The following CARM1 variants were observed in gnomAD, a reference collection of about 807,000 sequenced individuals.
The protein encoded by CARM1 is histone-arginine methyltransferase CARM1.
In CARM1, 14 loss-of-function variants were observed where a neutral mutation model predicts 72.7. The ratio of observed to expected loss-of-function variants is 0.19; its 90% CI spans 0.13 to 0.30. The LOEUF is 0.30. CARM1 is among the 10% of genes least tolerant of loss of function. The pLI, the probability that CARM1 is intolerant of heterozygous loss-of-function variation, is 1.00. For synonymous variants in CARM1, 333 were observed against 345.5 expected (o/e 0.96, Z 0.40); for missense variants, 432 against 833.7 (o/e 0.52, Z 5.93).
intron 2 of CARM1, among the ~76,000 whole-genome samples, chr19:10,907,258 T>A (rs1017808722): frequency 1.3e-5 from 2 of 151,324 alleles, no homozygotes; most frequent in Non-Finnish European, 2.9e-5. Context: ...GCTGGCCTCT[T>A]AAACTGGGCT....
At chr19:10,878,804 C>T (rs1006271502) in intron 1 of CARM1, among the ~76,000 whole-genome samples, 1 of 150,388 alleles carries the variant, frequency 6.6e-6, no homozygotes, top group African/African-American at 2.4e-5. Context: ...GTCCTCCCCC[C>T]GGCTTTTTTT....
chr19:10,876,926 T>G (rs2073868903), intron 1 of CARM1, among the ~76,000 whole-genome samples: 1 of 152,374 alleles, frequency 6.6e-6, no homozygotes, highest in African/African-American at 2.4e-5. Flanking sequence ...GGCCAGTGCT[T>G]TAGACTCTCC....
rs747237000 is a variant in CARM1, at chr19:10,920,003, C to G, written c.1196+37C>G. The G allele has an allele frequency of 1.3e-6, 2 of 1,533,852 alleles. No homozygotes were observed. The highest frequency in any genetic ancestry group is 1.7e-5 in the Admixed American group (1 of 59,444). On this transcript the variant is annotated intron_variant, in intron 10 of 15. Coordinates refer to ENST00000327064, the MANE Select transcript of CARM1 (RefSeq NM_199141.2). The surrounding 1 kb of genome is among the most constrained non-coding windows in gnomAD (Gnocchi z 5.3). ...AGAGCAGCCCATGCTGCCTCCTCCCCACTCCCAGGGCTTCCTGCAGCTGCA... is the reference window on the plus strand; with the variant it reads ...AGAGCAGCCCATGCTGCCTCCTCCCGACTCCCAGGGCTTCCTGCAGCTGCA...
chr19:10,904,846 C>G (rs567919891), intron 1 of CARM1, 105 bp from the exon 2 acceptor site: 1 of 1,482,160 alleles, frequency 6.7e-7, no homozygotes, highest in East Asian at 2.3e-5. Flanking sequence ...CTGGAAGAAT[C>G]TGGGGGCACC....
At chr19:10,902,386 C>T (rs936648751) in intron 1 of CARM1, among the ~76,000 whole-genome samples, 14 of 150,200 alleles carry the variant, frequency 9.3e-5, no homozygotes, top group African/African-American at 2.0e-4. Flanking sequence ...CTCCACCTCC[C>T]GGGTTCACAC....
intron 8 of CARM1, among the ~76,000 whole-genome samples, chr19:10,918,478 C>A (rs2074215408): frequency 6.6e-6 from 1 of 152,214 alleles, no homozygotes; most frequent in South Asian, 2.1e-4. Context: ...CCGCCTCGGC[C>A]TCCCAAAGTG....
intron 9 of CARM1, 81 bp downstream of exon 9, chr19:10,919,761 G>A: frequency 6.6e-7 from 1 of 1,511,120 alleles, no homozygotes; most frequent in Non-Finnish European, 9.2e-7. Flanking sequence ...CCGGCATCCT[G>A]CCGTCCCAGG....
rs540043069 is a variant in CARM1 at position 10,880,348 on chromosome 19, T to C, written c.220+8426T>C. Reference sequence around the variant, plus strand: ...TCCATCAGCTCAGAGCTAGGATTTTTTTTTCTTCTTTTTTTGAGACAGGGT... The same window carrying C: ...TCCATCAGCTCAGAGCTAGGATTTTCTTTTCTTCTTTTTTTGAGACAGGGT... On this transcript the variant is annotated intron_variant, in intron 1 of 15. Coordinates refer to ENST00000327064, the MANE Select transcript of CARM1 (RefSeq NM_199141.2). Among the ~76,000 whole-genome samples the C allele has an allele frequency of 6.7e-4, 102 of 151,920 alleles. 1 individual carries two copies. The highest frequency in any genetic ancestry group is 1.8e-3 in the Admixed American group (28 of 15,222).
In CARM1 at chr19:10,904,970, T is replaced by A; in HGVS notation, c.240T>A (p.Phe80Leu). The A allele has an allele frequency of 6.2e-7, 1 of 1,614,190 alleles. No homozygotes were observed. The highest frequency in any genetic ancestry group is 8.5e-7 in the Non-Finnish European group (1 of 1,180,008). The change falls in exon 2 of 16, where the codon TTT becomes TTA. Residue 80 changes from phenylalanine (F) to leucine (L), a missense_variant. Phe to Leu is a conservative substitution (Grantham distance 22). This residue lies in a region of CARM1 where 138 missense variants were observed against 192.3 expected (regional missense o/e 0.72). Transcript: ENST00000327064. ...ALYSHEDVCV[F>L]KCSVSRETEC... The stretch of plus-strand genomic sequence containing the variant: ...TCGTAGATGAAGATGTGTGTGTCTT[T>A]AAGTGCTCAGTGTCCCGAGAGACAG...
chr19:10,878,804 C>G (rs1006271502), intron 1 of CARM1, among the ~76,000 whole-genome samples: 4 of 150,388 alleles, frequency 2.7e-5, no homozygotes, highest in Non-Finnish European at 4.4e-5. Context: ...GTCCTCCCCC[C>G]GGCTTTTTTT....
chr19:10,880,426 G>A (rs1325887240), intron 1 of CARM1, among the ~76,000 whole-genome samples: 1 of 151,970 alleles, frequency 6.6e-6, no homozygotes, highest in Admixed American at 6.6e-5. Flanking sequence ...GCTCATTGCA[G>A]CCTTGAACAC....
intron 6 of CARM1, 103 bp downstream of exon 6, chr19:10,914,157 C>T (rs1043075299): frequency 7.6e-5 from 91 of 1,202,016 alleles, no homozygotes; most frequent in Non-Finnish European, 9.4e-5. Flanking sequence ...GTCGGTGGCC[C>T]GGGGTGTAGG....
At chr19:10,893,422 T>C (rs2074002619) in intron 1 of CARM1, among the ~76,000 whole-genome samples, 1 of 152,106 alleles carries the variant, frequency 6.6e-6, no homozygotes, top group Non-Finnish European at 1.5e-5. Flanking sequence ...CACTGCAACC[T>C]CCACCTCCTG....
At position 10,920,044 on chromosome 19, in the gene CARM1, T is replaced by A; in HGVS notation, c.1196+78T>A. Reference sequence around the variant, plus strand: ...TGCAGCTGCAACCTGGCTGGGGGGGTGGAACATGGCTCCAGGTTCCACCAT... The same window carrying A: ...TGCAGCTGCAACCTGGCTGGGGGGGAGGAACATGGCTCCAGGTTCCACCAT... On this transcript the variant is annotated intron_variant, in intron 10 of 15. Coordinates refer to ENST00000327064, the MANE Select transcript of CARM1 (RefSeq NM_199141.2). The surrounding 1 kb of genome is among the most constrained non-coding windows in gnomAD (Gnocchi z 5.3). 8.9e-7 allele frequency: 1 copy of A among 1,119,412 alleles called. No homozygotes were observed. The highest frequency in any genetic ancestry group is 1.3e-6 in the Non-Finnish European group (1 of 744,618). The allele number at this position is 1,119,412 out of a possible 1,614,324, so 69.3% of individuals were successfully genotyped here. A position where few individuals can be genotyped will look rare whatever the true frequency, so the allele number is the denominator to read the frequency against.
At chr19:10,904,594 CCAAG>C (rs2074089300) in intron 1 of CARM1, among the ~76,000 whole-genome samples, 1 of 152,238 alleles carries the variant, frequency 6.6e-6, no homozygotes, top group Admixed American at 6.5e-5. Context: ...CTGCGCCCAT[CCAAG>C]AACAGAAGGG....
At chr19:10,892,369 G>C (rs561814336) in intron 1 of CARM1, among the ~76,000 whole-genome samples, 7 of 152,254 alleles carry the variant, frequency 4.6e-5, no homozygotes, top group Non-Finnish European at 8.8e-5. Context: ...TGGACACCCA[G>C]CTCCGGTGCT....
In CARM1 at chr19:10,879,002, T is replaced by G. The variant is rs749644246; in HGVS notation, c.220+7080T>G. On this transcript the variant is annotated intron_variant, in intron 1 of 15. Transcript: ENST00000327064. ...TTGTATTTTTAGTAGAGACGGGGTA[T>G]CGCCACGTTGGCCAGGCTGTTCTCA... is the stretch of plus-strand genomic sequence containing the variant. 7.2e-4 allele frequency among the ~76,000 whole-genome samples: 110 copies of G among 152,224 alleles called. 1 individual carries two copies. The highest frequency in any genetic ancestry group is 3.4e-3 in the Middle Eastern group (1 of 294).
At chr19:10,910,842 G>A (rs2074144390) in intron 4 of CARM1, among the ~76,000 whole-genome samples, 1 of 151,814 alleles carries the variant, frequency 6.6e-6, no homozygotes, top group African/African-American at 2.4e-5. Flanking sequence ...TGGATTACAG[G>A]CATGAGCCAC....
chr19:10,917,821 G>A (rs1019289293), intron 8 of CARM1, among the ~76,000 whole-genome samples: 28 of 150,518 alleles, frequency 1.9e-4, no homozygotes, highest in Admixed American at 1.7e-3. Flanking sequence ...GGGCTCAAGC[G>A]ATTCTCAGAC....
Sources: gnomAD v4.1 joint callset for allele counts (sites outside exome capture counted in the v4.1 genomes callset) on GRCh38, gnomAD v4.1.1 for gene constraint, gnomAD v4.1.1 regional missense constraint, Gnocchi (gnomAD v3.1) non-coding constraint, MANE v1.5 for transcripts, NCBI Gene and HGNC (gene_info 2026-07-23, HGNC 2026-07-21) for gene names.